Variants in ATP2A2 observed in about 807,000 individuals in gnomAD.
The protein encoded by ATP2A2 is sarcoplasmic/endoplasmic reticulum calcium ATPase 2.
In ATP2A2, 14 loss-of-function variants were observed where a neutral mutation model predicts 109.3. The ratio of observed to expected loss-of-function variants is 0.13; its 90% CI spans 0.08 to 0.20. ATP2A2 has a LOEUF of 0.20. Among genes scored for constraint, ATP2A2 ranks in the 10% least tolerant of loss-of-function variants. The probability of loss-of-function intolerance (pLI) is 1.00; values close to 1 mark genes in which losing one functional copy is unlikely to be tolerated. For synonymous variants in ATP2A2, 506 were observed against 490.9 expected, an observed-to-expected ratio of 1.03 and a Z score of -0.41; for missense variants, 657 against 1,321.6, an observed-to-expected ratio of 0.50 and a Z score of 7.80.
At chr12:110,293,237 A>G (rs1270116674) in intron 4 of ATP2A2, among the ~76,000 whole-genome samples, 1 of 151,576 alleles carries the variant, frequency 6.6e-6, no homozygotes, top group Non-Finnish European at 1.5e-5. Flanking sequence ...CACCACACCC[A>G]GCTAATTTTT....
chr12:110,318,229 C>T (rs568840569), intron 5 of ATP2A2, among the ~76,000 whole-genome samples: 49 of 152,304 alleles, frequency 3.2e-4, no homozygotes, highest in African/African-American at 1.2e-3. Context: ...TGGACCTTTA[C>T]TTTCATGAAC....
chr12:110,331,026 C>G (rs1878280491), intron 8 of ATP2A2: 2 of 152,066 alleles, frequency 1.3e-5, no homozygotes, highest in African/African-American at 2.4e-5. Flanking sequence ...GGCGGATCAC[C>G]TGAGGTCAGG....
rs1879209680 is a variant in ATP2A2, at chr12:110,340,157, A to C, written c.1761+436A>C. ...CCTAAAGCTATGAACAAAATGAAGA[A>C]GCTTTGGTACTGTGGGCTCAGAATA... On this transcript the variant is annotated intron_variant, in intron 13 of 19. Coordinates refer to ENST00000539276, the MANE Select transcript of ATP2A2 (RefSeq NM_170665.4). The surrounding 1 kb of genome is among the most constrained non-coding windows in gnomAD (Gnocchi z 6.0). 6.6e-6 allele frequency among the ~76,000 whole-genome samples: 1 copy of C among 152,216 alleles called. No individual in the cohort carries two copies. The highest frequency in any genetic ancestry group is 1.5e-5 in the Non-Finnish European group (1 of 68,038).
intron 5 of ATP2A2, among the ~76,000 whole-genome samples, chr12:110,320,620 A>G (rs551063691): frequency 6.6e-6 from 1 of 152,292 alleles, no homozygotes; most frequent in African/African-American, 2.4e-5. Context: ...TGTTAGATGT[A>G]CTCTCTTCAA....
In ATP2A2 at chr12:110,346,822, G is replaced by A. The variant is rs1879912135; in HGVS notation, c.*352G>A. 8.8e-6 allele frequency: 10 copies of A among 1,131,620 alleles called. No individual in the cohort carries two copies. The South Asian group carries it at 1.8e-4, about 20-fold the overall frequency. 70.1% of individuals were successfully genotyped at this position (1,131,620 alleles called of 1,614,324 possible). On this transcript the variant is annotated 3_prime_UTR_variant, in exon 20 of 20. Transcript: ENST00000539276. ...GCAAATTAATTGGCAGCAGATTTTA[G>A]GAAATGAATGTGTGTGGTTTTTTTT...
chr12:110,281,772 G>T lies in ATP2A2; in HGVS notation c.-18G>T. The stretch of plus-strand genomic sequence containing the variant: ...GGCCGCGGGGACGGGAGGCGAGGCC[G>T]GCCGGGCCCCCGAAGCCATGGAGAA... On this transcript the variant is annotated 5_prime_UTR_variant, in exon 1 of 20. Coordinates refer to ENST00000539276, the MANE Select transcript of ATP2A2 (RefSeq NM_170665.4). 6.7e-7 allele frequency: 1 copy of T among 1,482,648 alleles called. No individual in the cohort carries two copies. Among genetic ancestry groups the T allele is most frequent in the East Asian group, 2.8e-5 (1 of 35,356 alleles). 91.8% of individuals were successfully genotyped at this position (1,482,648 alleles called of 1,614,324 possible). A position where few individuals can be genotyped will look rare whatever the true frequency, so the allele number is the denominator to read the frequency against.
At chr12:110,282,145 T>A (rs1338275717) in intron 1 of ATP2A2, among the ~76,000 whole-genome samples, 1 of 152,040 alleles carries the variant, frequency 6.6e-6, no homozygotes, top group Non-Finnish European at 1.5e-5. Context: ...GCTCGGAGGC[T>A]TCTCTCCAGC....
rs746403445 is a variant in ATP2A2 at position 110,346,453 on chromosome 12, G to A, written c.3112G>A (p.Asp1038Asn). ...WVYSTDTNFS[D>N]MFWS ...CTATAGCACAGACACTAACTTTAGC[G>A]ATATGTTCTGGTCTTGACTGACAGT... The change falls in exon 20 of 20, where the codon GAT becomes AAT. Residue 1038 changes from aspartate (D) to asparagine (N), a missense_variant. Asp to Asn is a conservative substitution (Grantham distance 23). This residue lies in a region of ATP2A2 where 53 missense variants were observed against 61.2 expected (regional missense o/e 0.87). Transcript: ENST00000539276. The A allele has an allele frequency of 6.2e-6, 10 of 1,614,190 alleles. No individual in the cohort carries two copies. The highest frequency in any genetic ancestry group is 2.7e-5 in the African/African-American group (2 of 75,060).
rs375186285 is a variant in ATP2A2, at chr12:110,343,328, A to G, written c.2415A>G (p.Ala805=). Residue 805 remains alanine, a synonymous_variant, in exon 16 of 20, where the codon GCA becomes GCG. Transcript: ENST00000539276. ...TGACAGATGGCCTGCCTGCCACTGC[A>G]CTGGGGTTCAACCCTCCTGATCTGG... is the stretch of plus-strand genomic sequence containing the variant. ...NLVTDGLPAT[A]LGFNPPDLDI... The G allele has an allele frequency of 1.1e-4, 180 of 1,614,040 alleles. No homozygotes were observed. The highest frequency in any genetic ancestry group is 1.4e-4 in the Non-Finnish European group (171 of 1,180,038).
chr12:110,340,407 G>A lies in ATP2A2; in HGVS notation c.1762-252G>A, dbSNP rs1280803817. Reference sequence around the variant, plus strand: ...TACAAAATTAGCCAGGTGTGGTGGCGCATACCTGTAGTCCCAGCTACCCTG... The same window carrying A: ...TACAAAATTAGCCAGGTGTGGTGGCACATACCTGTAGTCCCAGCTACCCTG... On this transcript the variant is annotated intron_variant, in intron 13 of 19. Transcript: ENST00000539276. This position sits in a 1 kb window ranked among gnomAD's most constrained non-coding sequence, Gnocchi z 6.0. Among the ~76,000 whole-genome samples the A allele has an allele frequency of 1.3e-5, 2 of 151,894 alleles. No individual in the cohort carries two copies. Among genetic ancestry groups the A allele is most frequent in the Admixed American group, 6.6e-5 (1 of 15,256 alleles).
At chr12:110,323,098 A>G in intron 6 of ATP2A2, 26 bp downstream of exon 6, 1 of 1,559,226 alleles carries the variant, frequency 6.4e-7, no homozygotes, top group Non-Finnish European at 8.8e-7. Context: ...TAAGTCATTG[A>G]ATTTCTGAAG....
At chr12:110,328,947 C>T (rs1878071121) in intron 8 of ATP2A2, among the ~76,000 whole-genome samples, 3 of 152,162 alleles carry the variant, frequency 2.0e-5, no homozygotes, top group Non-Finnish European at 4.4e-5. Context: ...AGTTAACCTC[C>T]CTACCTGAAG....
chr12:110,348,428 C>T lies in ATP2A2; in HGVS notation c.*1958C>T, dbSNP rs1880090137. ...ATATTCTTCAAAATGTACTTAGGCT[C>T]TGGTTACTGGGATGGCCAGTAGATG... On this transcript the variant is annotated 3_prime_UTR_variant, in exon 20 of 20. Coordinates refer to ENST00000539276, the MANE Select transcript of ATP2A2 (RefSeq NM_170665.4). 2.0e-6 allele frequency: 2 copies of T among 985,386 alleles called. No homozygotes were observed. Among genetic ancestry groups the T allele is most frequent in the Admixed American group, 1.2e-4 (2 of 16,254 alleles). The allele number at this position is 985,386 out of a possible 1,614,324, so 61.0% of individuals were successfully genotyped here. A position where few individuals can be genotyped will look rare whatever the true frequency, so the allele number is the denominator to read the frequency against.
chr12:110,348,161 CT>C lies in ATP2A2; in HGVS notation c.*1692del. ...TGCCAGGAGTCATCCCAGAACATTG[CT>C]ACTTATTTATTAAAAAGCTAAAAAC... is the stretch of plus-strand genomic sequence containing the variant. On this transcript the variant is annotated 3_prime_UTR_variant, in exon 20 of 20. Transcript: ENST00000539276. 1.0e-6 allele frequency: 1 copy of C among 985,440 alleles called. No homozygotes were observed. The highest frequency in any genetic ancestry group is 1.7e-5 in the African/African-American group (1 of 57,358). 61.0% of individuals were successfully genotyped at this position (985,440 alleles called of 1,614,324 possible).
At chr12:110,311,259 G>A (rs1432096347) in intron 5 of ATP2A2, among the ~76,000 whole-genome samples, 2 of 152,164 alleles carry the variant, frequency 1.3e-5, no homozygotes, top group Non-Finnish European at 2.9e-5. Context: ...TTTGTTTATA[G>A]ACATGAGGTC....
In ATP2A2 at chr12:110,314,936, A is replaced by T. The variant is rs560935457; in HGVS notation, c.464-8056A>T. The stretch of plus-strand genomic sequence containing the variant: ...GGCTGGAGTGCAGTGGCATGATCTC[A>T]GCTCACTGCAAGCTCCGCCTCCTGG... On this transcript the variant is annotated intron_variant, in intron 5 of 19. Coordinates refer to ENST00000539276, the MANE Select transcript of ATP2A2 (RefSeq NM_170665.4). Among the ~76,000 whole-genome samples, 32 of 148,170 alleles carry T rather than the reference A, an allele frequency of 2.2e-4. 1 individual carries two copies. In the South Asian group the frequency reaches 6.6e-3, roughly 30 times the overall value.
intron 4 of ATP2A2, chr12:110,296,232 A>C (rs958911915): frequency 4.8e-5 from 11 of 227,488 alleles, no homozygotes; most frequent in Non-Finnish European, 9.7e-5. Flanking sequence ...CTTCTGCCTC[A>C]GCCTCCTGAG....
Position 110,334,059 on chromosome 12 carries a change from C to T in ATP2A2, c.1335C>T (p.Leu445=), listed in dbSNP as rs747229006. The T allele has an allele frequency of 3.1e-6, 5 of 1,614,156 alleles. No individual in the cohort carries two copies. Among genetic ancestry groups the T allele is most frequent in the South Asian group, 1.1e-5 (1 of 91,086 alleles). The stretch of plus-strand genomic sequence containing the variant: ...TTGGAGAAGCTACAGAGACTGCTCT[C>T]ACTTGCCTAGTAGAGAAGATGAATG... ...EKVGEATETA[L]TCLVEKMNVF... Residue 445 remains leucine (L), a synonymous_variant, in exon 11 of 20, where the codon CTC becomes CTT. Coordinates refer to ENST00000539276, the MANE Select transcript of ATP2A2 (RefSeq NM_170665.4).
chr12:110,299,482 A>G (rs1162786044), intron 5 of ATP2A2, among the ~76,000 whole-genome samples: 1 of 152,144 alleles, frequency 6.6e-6, no homozygotes, highest in African/African-American at 2.4e-5. Context: ...CATCACAATC[A>G]TCTGGGGGCA....
Sources: allele counts gnomAD v4.1 joint callset (sites outside exome capture counted in the v4.1 genomes callset), GRCh38; gene constraint gnomAD v4.1.1; regional missense constraint gnomAD v4.1.1; non-coding constraint Gnocchi (gnomAD v3.1); transcripts MANE v1.5; gene names NCBI Gene and HGNC (gene_info 2026-07-23, HGNC 2026-07-21).